DRD3: variants seen among roughly 807,000 people sequenced by gnomAD.
DRD3 encodes D(3) dopamine receptor.
In DRD3, 19 loss-of-function variants were observed where a neutral mutation model predicts 36.3. The observed-to-expected ratio is 0.52, with a 90% confidence interval of 0.36 to 0.77. The LOEUF (loss-of-function observed/expected upper bound fraction) is 0.77. DRD3 is among the 30% of genes least tolerant of loss of function. The pLI is 0.00. For synonymous variants in DRD3, 195 were observed against 203.7 expected, an observed-to-expected ratio of 0.96 and a Z score of 0.36; for missense variants, 465 against 505.3, an observed-to-expected ratio of 0.92 and a Z score of 0.77.
intron 5 of DRD3, among the ~76,000 whole-genome samples, chr3:114,136,059 C>T (rs1173507610): frequency 2.6e-5 from 4 of 152,032 alleles, no homozygotes; most frequent in Non-Finnish European, 4.4e-5. Context: ...TGACTTCTAA[C>T]GCATTATTTC....
At chr3:114,166,327 G>A (rs768921896) in intron 2 of DRD3, among the ~76,000 whole-genome samples, 1 of 152,114 alleles carries the variant, frequency 6.6e-6, no homozygotes, top group Non-Finnish European at 1.5e-5. Context: ...CTTCCCTTAT[G>A]CTATAAATTG....
intron 1 of DRD3, among the ~76,000 whole-genome samples, chr3:114,190,355 C>T (rs1202104827): frequency 7.4e-6 from 1 of 135,824 alleles, no homozygotes; most frequent in Non-Finnish European, 1.5e-5. Flanking sequence ...TTATCCCAAT[C>T]CATGCATAAC....
chr3:114,137,717 C>T (rs901830461), intron 5 of DRD3, among the ~76,000 whole-genome samples: 7 of 151,748 alleles, frequency 4.6e-5, no homozygotes, highest in Non-Finnish European at 2.9e-5. Flanking sequence ...TGTGGCCGGG[C>T]GCGGTGGCTC....
At chr3:114,164,220 CAAAAAAAAAAAAAA>C (rs34500434) in intron 2 of DRD3, among the ~76,000 whole-genome samples, 239 of 17,786 alleles carry the variant, frequency 0.013, 3 homozygotes, top group African/African-American at 0.026. Flanking sequence ...GCCTCAGTCT[CAAAAAAAAAAAAAA>C]AAAAAAAAAA....
chr3:114,146,315 A>G (rs1487985654), intron 4 of DRD3, among the ~76,000 whole-genome samples: 1 of 152,228 alleles, frequency 6.6e-6, no homozygotes, highest in Admixed American at 6.5e-5. Flanking sequence ...TAAGAAATCC[A>G]GATGACCACT....
chr3:114,166,064 C>T (rs2077780933), intron 2 of DRD3, among the ~76,000 whole-genome samples: 1 of 150,344 alleles, frequency 6.7e-6, no homozygotes, highest in Admixed American at 6.6e-5. Flanking sequence ...CGGCTCACTG[C>T]AACCTCTGCC....
chr3:114,156,973 CTTCT>C (rs1271060630), intron 3 of DRD3, among the ~76,000 whole-genome samples: 5 of 128,288 alleles, frequency 3.9e-5, no homozygotes, highest in South Asian at 5.0e-4. Context: ...TCCTTCCTTC[CTTCT>C]TTCTTTCTTC....
At chr3:114,152,888 C>T (rs1275836988) in intron 3 of DRD3, among the ~76,000 whole-genome samples, 1 of 152,252 alleles carries the variant, frequency 6.6e-6, no homozygotes, top group African/African-American at 2.4e-5. Context: ...TGGCCCAGGG[C>T]CACCTCTGAA....
intron 4 of DRD3, among the ~76,000 whole-genome samples, chr3:114,142,394 C>T (rs552505376): frequency 4.7e-4 from 71 of 152,212 alleles, no homozygotes; most frequent in Admixed American, 1.4e-3. Flanking sequence ...GTCCCTCCAC[C>T]TAACTTTCTA....
intron 1 of DRD3, among the ~76,000 whole-genome samples, chr3:114,175,344 GA>G (rs144220214): frequency 4.0e-4 from 61 of 152,246 alleles, no homozygotes; most frequent in Admixed American, 2.9e-3. Flanking sequence ...AGTGAACTTG[GA>G]AATGATGACT....
At chr3:114,158,038 G>T (rs942070821) in intron 3 of DRD3, among the ~76,000 whole-genome samples, 9 of 152,022 alleles carry the variant, frequency 5.9e-5, no homozygotes, top group Non-Finnish European at 1.2e-4. Context: ...GGAGGTGGAG[G>T]TTACAGTGAG....
upstream of DRD3, among the ~76,000 whole-genome samples, chr3:114,180,345 T>G (rs761425292): frequency 6.6e-6 from 1 of 152,134 alleles, no homozygotes; most frequent in Non-Finnish European, 1.5e-5. Flanking sequence ...AGCCCTAACC[T>G]TAGAACATGA....
intron 4 of DRD3, among the ~76,000 whole-genome samples, chr3:114,146,355 C>T (rs902535891): frequency 6.6e-6 from 1 of 152,174 alleles, no homozygotes; most frequent in Non-Finnish European, 1.5e-5. Flanking sequence ...TTTTCCTTAG[C>T]ACGCAGTGTA....
At chr3:114,197,981 T>C (rs1382515712) in intron 1 of DRD3, among the ~76,000 whole-genome samples, 1 of 152,226 alleles carries the variant, frequency 6.6e-6, no homozygotes, top group East Asian at 1.9e-4. Flanking sequence ...CCAAAAAGTC[T>C]GCAGAGATTT....
At chr3:114,131,698 C>T (rs1166262520) in intron 5 of DRD3, among the ~76,000 whole-genome samples, 1 of 152,144 alleles carries the variant, frequency 6.6e-6, no homozygotes, top group Non-Finnish European at 1.5e-5. Context: ...CCAGAATCTA[C>T]AAGAAACTTA....
chr3:114,155,171 G>T (rs1307526829), intron 3 of DRD3, among the ~76,000 whole-genome samples: 2 of 152,190 alleles, frequency 1.3e-5, no homozygotes, highest in African/African-American at 4.8e-5. Context: ...GAAGACCAAA[G>T]GTCTGCGTGA....
intron 1 of DRD3, among the ~76,000 whole-genome samples, chr3:114,198,069 TAAAC>T (rs944532073): frequency 6.6e-6 from 1 of 152,166 alleles, no homozygotes; most frequent in Non-Finnish European, 1.5e-5. Flanking sequence ...TTTTAACACA[TAAAC>T]AAAAGTAAAT....
At chr3:114,196,468 C>A (rs115852660) in intron 1 of DRD3, among the ~76,000 whole-genome samples, 4,107 of 152,232 alleles carry the variant, frequency 0.027, 93 homozygotes, top group Non-Finnish European at 0.037. Flanking sequence ...GCTCACATCA[C>A]CATGCCTGGT....
intron 2 of DRD3, among the ~76,000 whole-genome samples, chr3:114,160,268 T>C (rs558810913): frequency 3.1e-4 from 47 of 152,294 alleles, no homozygotes; most frequent in African/African-American, 1.0e-3. Context: ...TTTTTTGAGA[T>C]GGAGTTTTGC....
Sources: gnomAD v4.1 joint callset for allele counts (sites outside exome capture counted in the v4.1 genomes callset) on GRCh38, gnomAD v4.1.1 for gene constraint, MANE v1.5 for transcripts, NCBI Gene and HGNC (gene_info 2026-07-23, HGNC 2026-07-21) for gene names.